Variants in APP observed in about 807,000 individuals in gnomAD.
APP encodes the protein amyloid beta precursor protein.
In APP, 31 loss-of-function variants were observed where a neutral mutation model predicts 101.4. The ratio of observed to expected loss-of-function variants is 0.31; its 90% CI spans 0.23 to 0.41. APP has a LOEUF of 0.41. APP is among the 10% of genes least tolerant of loss of function. The pLI, the probability that APP is intolerant of heterozygous loss-of-function variation, is 1.00. For synonymous variants in APP, 366 were observed against 364.4 expected (o/e 1.00, Z -0.05); for missense variants, 839 against 1,003.7 (o/e 0.84, Z 2.22).
chr21:26,156,523 T>A (rs756612840), intron 1 of APP, among the ~76,000 whole-genome samples: 1 of 152,202 alleles, frequency 6.6e-6, no homozygotes, highest in Non-Finnish European at 1.5e-5. Context: ...TACATCTAAC[T>A]GCCTGCAAAA....
chr21:26,116,521 C>T (rs888907418), intron 1 of APP, among the ~76,000 whole-genome samples: 11 of 152,200 alleles, frequency 7.2e-5, no homozygotes, highest in African/African-American at 2.7e-4. Flanking sequence ...GTTGTCCTTT[C>T]AAACAGGGTG....
chr21:26,061,268 A>G (rs1273469432), intron 3 of APP, among the ~76,000 whole-genome samples: 1 of 151,676 alleles, frequency 6.6e-6, no homozygotes, highest in Admixed American at 6.6e-5. Flanking sequence ...AGACTTTCCT[A>G]ATTTTTCTGT....
chr21:25,892,089 G>C (rs1331938508), intron 16 of APP, among the ~76,000 whole-genome samples: 2 of 147,606 alleles, frequency 1.4e-5, no homozygotes, highest in Non-Finnish European at 3.0e-5. Context: ...TTCCTACTAA[G>C]AATGATAATC....
intron 1 of APP, 62 bp downstream of exon 1, chr21:26,170,502 C>G (rs1194761812): frequency 2.0e-6 from 3 of 1,508,704 alleles, no homozygotes; most frequent in East Asian, 2.5e-5. Context: ...GGGTTAAGGT[C>G]TTGGGGGGTA....
chr21:26,056,789 A>G lies in APP; in HGVS notation c.356-3441T>C, dbSNP rs58755365. ...AATAAGCTCTCAGGACTAATGGCAA[A>G]ATAGAAACCTCATTGTATTCTAACA... On this transcript the variant is annotated intron_variant, in intron 3 of 17. Transcript: ENST00000346798. Among the ~76,000 whole-genome samples the G allele has an allele frequency of 8.1e-3, 1,241 of 152,322 alleles. 11 individuals are homozygous for G. Among genetic ancestry groups the G allele is most frequent in the African/African-American group, 0.028 (1,177 of 41,562 alleles).
chr21:25,907,272 T>C (rs140571862), intron 14 of APP, among the ~76,000 whole-genome samples: 2,106 of 152,334 alleles, frequency 0.014, 21 homozygotes, highest in Non-Finnish European at 0.021. Flanking sequence ...CTTTAAAAGA[T>C]TGAAGCTGAT....
intron 3 of APP, among the ~76,000 whole-genome samples, chr21:26,077,374 T>C (rs1384369728): frequency 6.6e-6 from 1 of 152,196 alleles, no homozygotes; most frequent in Non-Finnish European, 1.5e-5. Context: ...ACCCCATATA[T>C]GGCATCTGTA....
intron 2 of APP, among the ~76,000 whole-genome samples, chr21:26,111,531 G>C (rs2062323566): frequency 6.6e-6 from 1 of 152,012 alleles, no homozygotes; most frequent in African/African-American, 2.4e-5. Flanking sequence ...GAGCCCAGGA[G>C]TTTCAGACAG....
intron 6 of APP, among the ~76,000 whole-genome samples, chr21:26,018,978 G>A (rs1171537709): frequency 6.6e-6 from 1 of 152,110 alleles, no homozygotes; most frequent in Non-Finnish European, 1.5e-5. Context: ...AAAAAGAACT[G>A]GACTAATGCA....
intron 8 of APP, among the ~76,000 whole-genome samples, chr21:25,995,859 C>T (rs891680746): frequency 3.3e-5 from 5 of 151,860 alleles, no homozygotes; most frequent in Non-Finnish European, 7.4e-5. Context: ...GTTTAGGATG[C>T]AGTCTTTTTT....
intron 11 of APP, among the ~76,000 whole-genome samples, chr21:25,972,508 C>CA (rs35523723): frequency 1 from 152,306 of 152,306 alleles, 76,153 homozygotes; most frequent in Non-Finnish European, 1. Context: ...CAAAGCCAAA[C>CA]AAAGATTTCA....
intron 13 of APP, among the ~76,000 whole-genome samples, chr21:25,949,534 G>A (rs1008109883): frequency 5.9e-5 from 9 of 152,154 alleles, no homozygotes; most frequent in African/African-American, 1.7e-4. Context: ...TTAGGGTTAC[G>A]GAGGAGCCCA....
chr21:26,148,267 G>A (rs1381722546), intron 1 of APP, among the ~76,000 whole-genome samples: 1 of 152,214 alleles, frequency 6.6e-6, no homozygotes, highest in African/African-American at 2.4e-5. Flanking sequence ...CAGGCATTTT[G>A]CAGCTACCTC....
At chr21:26,037,642 T>G (rs1357591990) in intron 5 of APP, among the ~76,000 whole-genome samples, 1 of 152,234 alleles carries the variant, frequency 6.6e-6, no homozygotes, top group Non-Finnish European at 1.5e-5. Context: ...CCTGTTCCAC[T>G]GCACTTAGTT....
At chr21:25,897,200 C>T (rs1410938090) in intron 16 of APP, among the ~76,000 whole-genome samples, 1 of 152,134 alleles carries the variant, frequency 6.6e-6, no homozygotes, top group Non-Finnish European at 1.5e-5. Context: ...GCAACCTCCA[C>T]CTCCTGGGTT....
At chr21:26,071,362 C>A (rs1277305014) in intron 3 of APP, among the ~76,000 whole-genome samples, 2 of 152,072 alleles carry the variant, frequency 1.3e-5, no homozygotes, top group Non-Finnish European at 2.9e-5. Context: ...GTTTCCCTCT[C>A]CAGGGAGCAA....
intron 13 of APP, among the ~76,000 whole-genome samples, chr21:25,952,743 A>AAAACAAACAAAC (rs35999452): frequency 0.01 from 1,529 of 151,664 alleles, 33 homozygotes; most frequent in African/African-American, 0.034. Flanking sequence ...ATAGCTGTAA[A>AAAACAAACAAAC]AAACAAACAA....
At position 26,162,738 on chromosome 21, in the gene APP, C is replaced by T. The variant is rs950386779; in HGVS notation, c.57+7826G>A. ...AATGACTTTTCTTTATGCAACAGAT[C>T]TCTTATTCTCATAAGTATCTTTTAT... On this transcript the variant is annotated intron_variant, in intron 1 of 17. Coordinates refer to ENST00000346798, the MANE Select transcript of APP (RefSeq NM_000484.4). Among the ~76,000 whole-genome samples, 3 of 149,578 alleles carry T rather than the reference C, an allele frequency of 2.0e-5. No individual in the cohort carries two copies. The Admixed American group carries it at 2.0e-4, about 10-fold the overall frequency.
At chr21:26,047,969 T>C (rs2045679267) in intron 5 of APP, among the ~76,000 whole-genome samples, 1 of 152,184 alleles carries the variant, frequency 6.6e-6, no homozygotes, top group Admixed American at 6.6e-5. Flanking sequence ...TAAAATGTTG[T>C]TAAAATTAAA....
Sources: allele counts gnomAD v4.1 joint callset (sites outside exome capture counted in the v4.1 genomes callset), GRCh38; gene constraint gnomAD v4.1.1; transcripts MANE v1.5; gene names NCBI Gene and HGNC (gene_info 2026-07-23, HGNC 2026-07-21).